Variants in RANBP2 observed in about 807,000 individuals in gnomAD.
RANBP2 encodes the protein RAN binding protein 2.
RANBP2 carries 57 observed loss-of-function variants against 303.6 expected under a neutral mutation model. The observed-to-expected ratio is 0.19, with a 90% CI of 0.15 to 0.23. RANBP2 has a LOEUF of 0.23. Among genes scored for constraint, RANBP2 ranks in the 10% least tolerant of loss-of-function variants. The probability of loss-of-function intolerance (pLI) is 1.00; values close to 1 mark genes in which losing one functional copy is unlikely to be tolerated. For missense variants in RANBP2, 3,138 were observed against 3,780.8 expected (o/e 0.83, Z 4.46); for synonymous variants, 1,167 against 1,301.5 (o/e 0.90, Z 2.23).
chr2:109,061,686 T>A, the RANBP2 span, among the ~76,000 whole-genome samples: 1 of 152,308 alleles, frequency 6.6e-6, no homozygotes, highest in African/African-American at 2.4e-5. Flanking sequence ...TAGCCTTGGA[T>A]GTTGTGAATT....
chr2:109,655,284 A>G, the RANBP2 span, among the ~76,000 whole-genome samples: 10 of 152,182 alleles, frequency 6.6e-5, no homozygotes, highest in African/African-American at 2.2e-4. Flanking sequence ...GCTTTCAACC[A>G]CAGTTCTTTG....
the RANBP2 span, among the ~76,000 whole-genome samples, chr2:109,500,784 A>C: frequency 6.6e-6 from 1 of 152,048 alleles, no homozygotes; most frequent in East Asian, 1.9e-4. Context: ...CCCCATCTCT[A>C]CAAAAAAAAA....
At chr2:108,848,866 T>C in the RANBP2 span, among the ~76,000 whole-genome samples, 6 of 152,208 alleles carry the variant, frequency 3.9e-5, no homozygotes, top group Non-Finnish European at 5.9e-5. Context: ...TTAATGACTT[T>C]GCTTCCCTGT....
chr2:109,449,175 C>T, the RANBP2 span: 1 of 1,613,358 alleles, frequency 6.2e-7, no homozygotes, highest in Non-Finnish European at 8.5e-7. Context: ...TCCAGCTGCC[C>T]ACTCTGCAGC....
At chr2:109,128,869 C>T in the RANBP2 span, 1 of 292,008 alleles carries the variant, frequency 3.4e-6, no homozygotes, top group African/African-American at 2.3e-5. Flanking sequence ...CTGGAGATGT[C>T]CTAGGGGACC....
the RANBP2 span, among the ~76,000 whole-genome samples, chr2:108,852,901 A>T: frequency 9.9e-5 from 15 of 152,142 alleles, no homozygotes; most frequent in Admixed American, 2.0e-4. Flanking sequence ...AAAATAAAAT[A>T]AAAAAACCCA....
At chr2:109,750,746 C>CA in the RANBP2 span, among the ~76,000 whole-genome samples, 3 of 89,968 alleles carry the variant, frequency 3.3e-5, no homozygotes, top group Non-Finnish European at 4.5e-5. Context: ...TTTTTCGAGT[C>CA]AGAGTCTTGT....
the RANBP2 span, chr2:109,128,268 C>T: frequency 1.3e-5 from 2 of 152,244 alleles, no homozygotes; most frequent in Non-Finnish European, 2.9e-5. Context: ...TCCCAGAAGC[C>T]GGGGCGTCGG....
the RANBP2 span, chr2:108,929,221 A>AGC: frequency 6.2e-7 from 1 of 1,614,066 alleles, no homozygotes; most frequent in Non-Finnish European, 8.5e-7. Flanking sequence ...GGCCACACTC[A>AGC]GCGTCATTCT....
chr2:108,921,923 G>A, the RANBP2 span, among the ~76,000 whole-genome samples: 14 of 152,328 alleles, frequency 9.2e-5, no homozygotes, highest in East Asian at 2.1e-3. Flanking sequence ...GCCCTACCCC[G>A]AGGCTTTCCT....
the RANBP2 span, chr2:108,798,509 T>C: frequency 6.2e-7 from 1 of 1,614,008 alleles, no homozygotes; most frequent in South Asian, 1.1e-5. Flanking sequence ...ACAACTGCTT[T>C]TCAGACATGA....
chr2:109,252,132 T>C, the RANBP2 span, among the ~76,000 whole-genome samples: 1 of 151,850 alleles, frequency 6.6e-6, no homozygotes, highest in Non-Finnish European at 1.5e-5. Context: ...TAGTCTCAGC[T>C]ACTCAGGAGG....
At chr2:109,161,661 G>A in the RANBP2 span, among the ~76,000 whole-genome samples, 23 of 151,922 alleles carry the variant, frequency 1.5e-4, no homozygotes, top group Non-Finnish European at 2.4e-4. Flanking sequence ...CTTGTGGAAG[G>A]CGAAGGGGAG....
chr2:108,854,378 A>G, the RANBP2 span, among the ~76,000 whole-genome samples: 1 of 150,864 alleles, frequency 6.6e-6, no homozygotes, highest in African/African-American at 2.4e-5. Flanking sequence ...GCTGTGTGGT[A>G]TTTGGAAGGT....
the RANBP2 span, among the ~76,000 whole-genome samples, chr2:109,675,257 C>T: frequency 1.3e-5 from 2 of 152,216 alleles, no homozygotes; most frequent in Non-Finnish European, 2.9e-5. Context: ...CCGTTATACT[C>T]GAAGGACAGC....
At chr2:109,613,800 G>A in the RANBP2 span, 2,536 of 1,232,476 alleles carry the variant, frequency 2.1e-3, 7 homozygotes, top group South Asian at 0.01. Context: ...GGACTCACCA[G>A]GTGCCGCGCC....
the RANBP2 span, among the ~76,000 whole-genome samples, chr2:109,414,377 T>G: frequency 1.4e-4 from 22 of 152,192 alleles, no homozygotes; most frequent in Non-Finnish European, 3.1e-4. Flanking sequence ...CTGCTTGATT[T>G]CTATAGTCTT....
the RANBP2 span, among the ~76,000 whole-genome samples, chr2:109,249,802 G>A: frequency 5.9e-5 from 9 of 151,342 alleles, no homozygotes; most frequent in South Asian, 1.7e-3. Flanking sequence ...GACTACAGGC[G>A]CCCGCCACCG....
At chr2:109,013,769 G>A in the RANBP2 span, among the ~76,000 whole-genome samples, 2 of 151,888 alleles carry the variant, frequency 1.3e-5, no homozygotes, top group African/African-American at 4.8e-5. Flanking sequence ...TAGTAGAGAC[G>A]GGATTTCACC....
Sources: allele counts gnomAD v4.1 joint callset (sites outside exome capture counted in the v4.1 genomes callset), GRCh38; gene constraint gnomAD v4.1.1; transcripts MANE v1.5; gene names NCBI Gene and HGNC (gene_info 2026-07-23, HGNC 2026-07-21).